The following SETDB1 variants were observed in gnomAD, a reference collection of about 807,000 sequenced individuals.
SETDB1 encodes the protein histone-lysine N-methyltransferase SETDB1.
A neutral mutation model predicts 137.4 loss-of-function variants in SETDB1; 31 were observed. The ratio of observed to expected loss-of-function variants is 0.23; its 90% CI spans 0.17 to 0.30. The LOEUF is 0.30. Ranked by LOEUF, SETDB1 falls within the 10% of genes least tolerant of loss-of-function variation. SETDB1 has a pLI of 1.00. For synonymous variants in SETDB1, 548 were observed against 579.9 expected, an observed-to-expected ratio of 0.95 and a Z score of 0.79; for missense variants, 1,113 against 1,631.5, an observed-to-expected ratio of 0.68 and a Z score of 5.47.
At chr1:150,948,266 A>G (rs1197871980) in intron 10 of SETDB1, among the ~76,000 whole-genome samples, 3 of 143,592 alleles carry the variant, frequency 2.1e-5, no homozygotes, top group African/African-American at 7.6e-5. Flanking sequence ...CCGACAGAGT[A>G]GCAATTTTTT....
intron 8 of SETDB1, 45 bp from the exon 9 acceptor site, chr1:150,944,873 A>G: frequency 6.2e-7 from 1 of 1,606,578 alleles, no homozygotes; most frequent in South Asian, 1.1e-5. Context: ...CCCTATCAAG[A>G]CATGCCCTAC....
At chr1:150,955,384 CT>C (rs1670608357) in intron 14 of SETDB1, among the ~76,000 whole-genome samples, 1 of 152,174 alleles carries the variant, frequency 6.6e-6, no homozygotes, top group African/African-American at 2.4e-5. Flanking sequence ...ATATTTGGCC[CT>C]TTCCTGTCTC....
intron 16 of SETDB1, chr1:150,961,810 A>G (rs906744209): frequency 5.8e-6 from 2 of 346,980 alleles, no homozygotes; most frequent in African/African-American, 4.1e-5. Flanking sequence ...AAAGTAGAGA[A>G]ACAAGAATTG....
At position 150,961,120 on chromosome 1, in the gene SETDB1, G is replaced by A; in HGVS notation, c.3061G>A (p.Glu1021Lys). The change falls in exon 16 of 22, where the codon GAG becomes AAG. Residue 1021 changes from glutamate (E) to lysine (K), a missense_variant. Physicochemically the swap from Glu to Lys is moderately conservative, Grantham distance 56. Transcript: ENST00000692827. ...GEGRAGGSRMEAEKASTSGLG... is the reference protein window; with the variant it reads ...GEGRAGGSRMKAEKASTSGLG... ...GGGCCGGGCTGGGGGAAGCCGAATG[G>A]AGGCTGAGAAGGCCTCCACCTCAGG... 6.2e-7 allele frequency: 1 copy of A among 1,614,140 alleles called. No homozygotes were observed. The highest frequency in any genetic ancestry group is 8.5e-7 in the Non-Finnish European group (1 of 1,180,012).
chr1:150,935,603 GTTCA>G (rs1383524090), intron 3 of SETDB1, among the ~76,000 whole-genome samples: 1 of 151,974 alleles, frequency 6.6e-6, no homozygotes, highest in Non-Finnish European at 1.5e-5. Context: ...ATATATTCTA[GTTCA>G]TTGACTCCTG....
At chr1:150,934,357 C>T (rs1558012556) in intron 3 of SETDB1, among the ~76,000 whole-genome samples, 1 of 151,982 alleles carries the variant, frequency 6.6e-6, no homozygotes, top group African/African-American at 2.4e-5. Context: ...CCTGTAGTCC[C>T]AGCTACTTGG....
chr1:150,949,240 A>ACCTGCTCCACCTCTATCCCC lies in SETDB1; in HGVS notation c.1389_1408dup (p.Gln470LeufsTer26). 2 of 1,613,850 alleles carry ACCTGCTCCACCTCTATCCCC rather than the reference A, an allele frequency of 1.2e-6. No individual in the cohort carries two copies. Among genetic ancestry groups the ACCTGCTCCACCTCTATCCCC allele is most frequent in the Non-Finnish European group, 1.7e-6 (2 of 1,179,974 alleles). On this transcript the variant is annotated frameshift_variant, in exon 11 of 22. Transcript: ENST00000692827. LOFTEE classifies it high-confidence loss of function. ...CAGCTCCACCTGCCCCACCTTTCCC[A>ACCTGCTCCACCTCTATCCCC]CCTGCTCCACCTCTATCCCCCCAAG...
chr1:150,963,222 T>A, intron 19 of SETDB1, 83 bp downstream of exon 19: 2 of 1,298,204 alleles, frequency 1.5e-6, no homozygotes, highest in South Asian at 2.7e-5. Flanking sequence ...GCTAAAGAAG[T>A]AGTGGGTAAA....
chr1:150,927,720 T>G lies in SETDB1; in HGVS notation c.6T>G (p.Ser2=). 1 of 1,613,844 alleles carries G rather than the reference T, an allele frequency of 6.2e-7. No individual in the cohort carries two copies. The highest frequency in any genetic ancestry group is 8.5e-7 in the Non-Finnish European group (1 of 1,179,792). Residue 2 remains serine (S), a synonymous_variant, in exon 2 of 22, where the codon TCT becomes TCG. Transcript: ENST00000692827. ...TCCATGCAGAGGACAAAAGCATGTC[T>G]TCCCTTCCTGGGTGCATTGGTTTGG... M[S]SLPGCIGLDA...
chr1:150,927,222 C>G (rs1391952688), intron 1 of SETDB1, among the ~76,000 whole-genome samples: 1 of 152,172 alleles, frequency 6.6e-6, no homozygotes, highest in African/African-American at 2.4e-5. Context: ...TACTCCTGGG[C>G]TCAAGCGATC....
chr1:150,926,775 C>T (rs375723527), intron 1 of SETDB1: 21 of 533,252 alleles, frequency 3.9e-5, no homozygotes, highest in Admixed American at 1.6e-4. Flanking sequence ...GCAGTTCACA[C>T]GAATGTGTGA....
intron 3 of SETDB1, among the ~76,000 whole-genome samples, chr1:150,936,664 A>T (rs1461838279): frequency 6.6e-6 from 1 of 152,162 alleles, no homozygotes; most frequent in Non-Finnish European, 1.5e-5. Context: ...ACTAGTTCTT[A>T]GGATATAGAA....
intron 3 of SETDB1, among the ~76,000 whole-genome samples, chr1:150,931,940 A>G (rs1288089484): frequency 1.3e-5 from 2 of 151,888 alleles, no homozygotes; most frequent in African/African-American, 4.8e-5. Context: ...TCATTCTCCT[A>G]TGTTCCTTTT....
chr1:150,931,612 A>T (rs184413599), intron 3 of SETDB1, among the ~76,000 whole-genome samples: 7 of 144,020 alleles, frequency 4.9e-5, no homozygotes, highest in East Asian at 2.0e-4. Context: ...AAAGTATAAT[A>T]AAAAAAAATT....
At chr1:150,955,899 G>C (rs989077864) in intron 14 of SETDB1, among the ~76,000 whole-genome samples, 1 of 151,224 alleles carries the variant, frequency 6.6e-6, no homozygotes, top group Non-Finnish European at 1.5e-5. Flanking sequence ...GACCAGCCTA[G>C]CCAACATGGT....
intron 13 of SETDB1, 37 bp from the exon 14 acceptor site, chr1:150,951,328 C>T: frequency 7.0e-7 from 1 of 1,433,070 alleles, no homozygotes; most frequent in Non-Finnish European, 9.8e-7. Flanking sequence ...TTCTCTGATC[C>T]CCCCGCTCCT....
chr1:150,943,430 A>T (rs192410305), intron 7 of SETDB1, among the ~76,000 whole-genome samples: 147 of 152,314 alleles, frequency 9.7e-4, no homozygotes, highest in African/African-American at 3.4e-3. Context: ...TAATCTTAGC[A>T]CTTTGGGAGG....
At chr1:150,939,212 A>G (rs1240499999) in intron 3 of SETDB1, among the ~76,000 whole-genome samples, 1 of 150,048 alleles carries the variant, frequency 6.7e-6, no homozygotes, top group Non-Finnish European at 1.5e-5. Context: ...TCGGCCTCCC[A>G]AAGTGCTAGA....
rs1250821860 is a variant in SETDB1, at chr1:150,942,625, A to G, written c.610A>G (p.Ile204Val). 2 of 1,614,020 alleles carry G rather than the reference A, an allele frequency of 1.2e-6. No homozygotes were observed. ...TGGTGACCTGATAGTCAGCATGCGA[A>G]TTCTGGGCAAGAAGAGAACTAAGAC... ...KDGDLIVSMRILGKKRTKTWH... is the reference protein window; with the variant it reads ...KDGDLIVSMRVLGKKRTKTWH... Residue 204 changes from isoleucine to valine, a missense_variant, in exon 6 of 22, where the codon ATT becomes GTT. Physicochemically the swap from Ile to Val is conservative, Grantham distance 29 (BLOSUM62 3). Around this residue, in one of 11 missense-constraint regions of SETDB1, gnomAD observed 154 missense variants for 303.1 expected, o/e 0.51. Coordinates refer to ENST00000692827, the MANE Select transcript of SETDB1 (RefSeq NM_001366418.1).
Sources: allele counts gnomAD v4.1 joint callset (sites outside exome capture counted in the v4.1 genomes callset), GRCh38; gene constraint gnomAD v4.1.1; regional missense constraint gnomAD v4.1.1; transcripts MANE v1.5; gene names NCBI Gene and HGNC (gene_info 2026-07-23, HGNC 2026-07-21).